PLXNA4: variants seen among roughly 807,000 people sequenced by gnomAD.
PLXNA4 encodes the protein plexin A4.
In PLXNA4, 44 loss-of-function variants were observed where a neutral mutation model predicts 191.8. The ratio of observed to expected loss-of-function variants is 0.23; its 90% CI spans 0.18 to 0.29. The LOEUF is 0.29. Ranked by LOEUF, PLXNA4 falls within the 10% of genes least tolerant of loss-of-function variation. PLXNA4 has a pLI of 1.00. For synonymous variants in PLXNA4, 1,082 were observed against 1,009.5 expected (o/e 1.07, Z -1.36); for missense variants, 1,800 against 2,488.8 (o/e 0.72, Z 5.89).
chr7:132,572,534 G>A (rs1041439822), intron 1 of PLXNA4, among the ~76,000 whole-genome samples: 6 of 152,142 alleles, frequency 3.9e-5, no homozygotes, highest in Non-Finnish European at 8.8e-5. Context: ...GCTGCTCCAT[G>A]CCATGCAGGG....
chr7:132,361,202 G>T (rs1456684579), intron 3 of PLXNA4, among the ~76,000 whole-genome samples: 1 of 152,132 alleles, frequency 6.6e-6, no homozygotes, highest in Non-Finnish European at 1.5e-5. Context: ...AGTGTCGCAG[G>T]TTGGCAGATG....
chr7:132,403,068 C>G (rs1310603952), intron 3 of PLXNA4, among the ~76,000 whole-genome samples: 2 of 152,218 alleles, frequency 1.3e-5, no homozygotes, highest in African/African-American at 4.8e-5. Flanking sequence ...TGGTTCAGAG[C>G]CAGAGAGGGC....
chr7:132,572,283 G>C (rs556410538), intron 1 of PLXNA4, among the ~76,000 whole-genome samples: 2 of 152,094 alleles, frequency 1.3e-5, no homozygotes, highest in East Asian at 3.9e-4. Context: ...GACCGTAATA[G>C]CCTATCTGGG....
rs1248605407 is a variant in PLXNA4, at chr7:132,449,996, C to A, written c.1371+39296G>T. Reference sequence around the variant, plus strand: ...ATGGCCTCTGATGAAATGCCTCTCCCAGTCACACTGTCCATTTCCTTCCTG... The same window carrying A: ...ATGGCCTCTGATGAAATGCCTCTCCAAGTCACACTGTCCATTTCCTTCCTG... On this transcript the variant is annotated intron_variant, in intron 3 of 31. Coordinates refer to ENST00000321063, the MANE Select transcript of PLXNA4 (RefSeq NM_020911.2). Among the ~76,000 whole-genome samples the A allele has an allele frequency of 3.9e-5, 6 of 152,230 alleles. 1 individual carries two copies. Among genetic ancestry groups the A allele is most frequent in the Admixed American group, 3.9e-4 (6 of 15,282 alleles).
intron 4 of PLXNA4, among the ~76,000 whole-genome samples, chr7:132,264,750 T>C (rs867196933): frequency 1.9e-4 from 28 of 149,142 alleles, no homozygotes; most frequent in South Asian, 1.1e-3. Flanking sequence ...CAGCCTGGAG[T>C]GCAATGGCGC....
At chr7:132,268,697 C>A (rs978326686) in intron 4 of PLXNA4, among the ~76,000 whole-genome samples, 3 of 151,398 alleles carry the variant, frequency 2.0e-5, no homozygotes, top group Admixed American at 2.0e-4. Flanking sequence ...ACTGCTGGTG[C>A]CTCCAGGAGG....
intron 5 of PLXNA4, among the ~76,000 whole-genome samples, chr7:132,229,579 G>A (rs1798452996): frequency 6.6e-6 from 1 of 152,162 alleles, no homozygotes; most frequent in Non-Finnish European, 1.5e-5. Flanking sequence ...AGATGAGACA[G>A]CAGGGAAATC....
intron 4 of PLXNA4, among the ~76,000 whole-genome samples, chr7:132,251,116 T>C (rs1799234602): frequency 6.6e-6 from 1 of 150,560 alleles, no homozygotes; most frequent in Non-Finnish European, 1.5e-5. Context: ...ATGTTACTGC[T>C]ACGTAAACAC....
intron 9 of PLXNA4, among the ~76,000 whole-genome samples, chr7:132,211,621 C>A (rs984706571): frequency 2.4e-4 from 36 of 152,200 alleles, no homozygotes; most frequent in African/African-American, 8.2e-4. Context: ...TCTTGACTGC[C>A]GCAGGGAGGC....
At chr7:132,279,827 C>T (rs182241565) in intron 4 of PLXNA4, among the ~76,000 whole-genome samples, 33 of 152,196 alleles carry the variant, frequency 2.2e-4, no homozygotes, top group Non-Finnish European at 4.1e-4. Context: ...AACTAGTGGA[C>T]GGAGAGATGA....
intron 29 of PLXNA4, among the ~76,000 whole-genome samples, chr7:132,144,758 G>A (rs936716624): frequency 9.2e-5 from 14 of 152,308 alleles, no homozygotes; most frequent in East Asian, 1.9e-4. Context: ...GATTAGCCCC[G>A]TGTCTAGCAT....
At chr7:132,445,697 A>G (rs928721947) in intron 3 of PLXNA4, among the ~76,000 whole-genome samples, 1 of 152,158 alleles carries the variant, frequency 6.6e-6, no homozygotes, top group East Asian at 1.9e-4. Flanking sequence ...TTCCCTGTAC[A>G]GAAAAATAAA....
intron 5 of PLXNA4, among the ~76,000 whole-genome samples, chr7:132,239,053 C>T (rs909583946): frequency 5.9e-5 from 9 of 152,336 alleles, no homozygotes; most frequent in Admixed American, 5.2e-4. Flanking sequence ...AATTCATGTC[C>T]ATGGCTGTTT....
chr7:132,443,818 T>C (rs1216837959), intron 3 of PLXNA4, among the ~76,000 whole-genome samples: 1 of 152,230 alleles, frequency 6.6e-6, no homozygotes, highest in African/African-American at 2.4e-5. Flanking sequence ...ACTCAAAACA[T>C]TTCTGGCATA....
At chr7:132,610,704 A>G (rs192952726) in intron 2 of PLXNA4, among the ~76,000 whole-genome samples, 110 of 152,286 alleles carry the variant, frequency 7.2e-4, no homozygotes, top group African/African-American at 2.6e-3. Context: ...TTTAAACCCC[A>G]GATGTCATTC....
intron 3 of PLXNA4, among the ~76,000 whole-genome samples, chr7:132,415,753 G>T (rs914169431): frequency 2.6e-5 from 4 of 152,150 alleles, no homozygotes; most frequent in Admixed American, 6.5e-5. Flanking sequence ...AGGACTATCA[G>T]TACCTGTATT....
chr7:132,401,951 T>C (rs1002500870), intron 3 of PLXNA4, among the ~76,000 whole-genome samples: 2 of 152,076 alleles, frequency 1.3e-5, no homozygotes, highest in Non-Finnish European at 2.9e-5. Flanking sequence ...ATAGTATCGA[T>C]GGGTATAAAA....
intron 1 of PLXNA4, among the ~76,000 whole-genome samples, chr7:132,555,795 G>C (rs1452032433): frequency 2.6e-5 from 4 of 152,240 alleles, no homozygotes; most frequent in Non-Finnish European, 5.9e-5. Context: ...GTCGACATCT[G>C]AAGTATTGTA....
At position 132,207,889 on chromosome 7, in the gene PLXNA4, C is replaced by T. The variant is rs116874412; in HGVS notation, c.2298+3054G>A. Among the ~76,000 whole-genome samples, 1,002 of 152,310 alleles carry T rather than the reference C, an allele frequency of 6.6e-3. 1 individual carries two copies. The highest frequency in any genetic ancestry group is 0.014 in the Middle Eastern group (4 of 294). ...AAGTGCCCTTCGCTGCTGTTCTTTG[C>T]TCAACCTTTGATTAGGGGATGTGTT... On this transcript the variant is annotated intron_variant, in intron 10 of 31. Transcript: ENST00000321063.
Sources: gnomAD v4.1 joint callset for allele counts (sites outside exome capture counted in the v4.1 genomes callset) on GRCh38, gnomAD v4.1.1 for gene constraint, MANE v1.5 for transcripts, NCBI Gene and HGNC (gene_info 2026-07-23, HGNC 2026-07-21) for gene names.